The following EPHA3 variants were observed in gnomAD, a reference collection of about 807,000 sequenced individuals.
The protein encoded by EPHA3 is ephrin type-A receptor 3.
A neutral mutation model predicts 107.1 loss-of-function variants in EPHA3; 42 were observed. That is an observed-to-expected ratio of 0.39 (90% CI 0.31 to 0.51). EPHA3 has a LOEUF of 0.51. Ranked by LOEUF, EPHA3 falls within the 20% of genes least tolerant of loss-of-function variation. The pLI, the probability that EPHA3 is intolerant of heterozygous loss-of-function variation, is 0.78. For synonymous variants in EPHA3, 461 were observed against 424.8 expected (o/e 1.09, Z -1.05); for missense variants, 1,183 against 1,211.2 (o/e 0.98, Z 0.35).
intron 2 of EPHA3, among the ~76,000 whole-genome samples, chr3:89,179,515 C>A: frequency 6.6e-6 from 1 of 151,952 alleles, no homozygotes; most frequent in East Asian, 1.9e-4. Context: ...GGAATACAAG[C>A]ATAAAGTCTG....
chr3:89,147,508 T>A (rs1034657648), intron 2 of EPHA3, among the ~76,000 whole-genome samples: 1 of 151,904 alleles, frequency 6.6e-6, no homozygotes, highest in African/African-American at 2.4e-5. Context: ...CACCTCACAC[T>A]GCAAAAGTTA....
At chr3:89,228,849 A>G (rs1034845713) in intron 3 of EPHA3, among the ~76,000 whole-genome samples, 2 of 151,898 alleles carry the variant, frequency 1.3e-5, no homozygotes, top group Non-Finnish European at 2.9e-5. Context: ...TTTCAGGCTG[A>G]AGTACATATA....
At chr3:89,219,710 G>T (rs11715740) in intron 3 of EPHA3, among the ~76,000 whole-genome samples, 20,921 of 24,486 alleles carry the variant, frequency 0.85, 8,945 homozygotes, top group Non-Finnish European at 0.89. Flanking sequence ...TTTGTTTTTT[G>T]TTTTTTTTTT....
At chr3:89,397,664 ACCTCCG>A (rs1460374541) in intron 6 of EPHA3, among the ~76,000 whole-genome samples, 3 of 132,688 alleles carry the variant, frequency 2.3e-5, no homozygotes, top group African/African-American at 8.8e-5. Context: ...GCTCACCGCC[ACCTCCG>A]CCTCCCAGGT....
chr3:89,450,121 C>T (rs2107554564), intron 14 of EPHA3, 56 bp from the exon 15 acceptor site: 1 of 1,443,108 alleles, frequency 6.9e-7, no homozygotes, highest in Non-Finnish European at 9.3e-7. Flanking sequence ...AAAACGTAAA[C>T]TAAGTGACAC....
chr3:89,345,899 G>A (rs2107429725), intron 5 of EPHA3, among the ~76,000 whole-genome samples: 1 of 144,876 alleles, frequency 6.9e-6, no homozygotes, highest in Admixed American at 7.0e-5. Flanking sequence ...AGTTTACTGA[G>A]AATGATGATT....
At chr3:89,262,074 G>T (rs1289237460) in intron 3 of EPHA3, among the ~76,000 whole-genome samples, 3 of 151,938 alleles carry the variant, frequency 2.0e-5, no homozygotes, top group Non-Finnish European at 4.4e-5. Flanking sequence ...TCACTGGAAA[G>T]AACCCAAATA....
At chr3:89,274,513 C>T (rs1705758164) in intron 3 of EPHA3, among the ~76,000 whole-genome samples, 1 of 151,864 alleles carries the variant, frequency 6.6e-6, no homozygotes, top group South Asian at 2.1e-4. Context: ...TAAATTCTTA[C>T]ATTTTCTAAT....
At position 89,288,799 on chromosome 3, in the gene EPHA3, G is replaced by A. The variant is rs559810705; in HGVS notation, c.815-52117G>A. On this transcript the variant is annotated intron_variant, in intron 3 of 16. Transcript: ENST00000336596. The stretch of plus-strand genomic sequence containing the variant: ...AGGAGGCATTGTGGTTGAGAAAATG[G>A]TCAGGTAATTAAAGTGTAAGCTTAA... Among the ~76,000 whole-genome samples the A allele has an allele frequency of 1.4e-4, 21 of 152,200 alleles. No individual in the cohort carries two copies. In the South Asian group the frequency reaches 3.7e-3, roughly 27 times the overall value.
chr3:89,144,229 C>A (rs1369798714), intron 2 of EPHA3, among the ~76,000 whole-genome samples: 2 of 151,694 alleles, frequency 1.3e-5, no homozygotes, highest in East Asian at 3.9e-4. Context: ...GCTCCACCTA[C>A]TCATTCCTTT....
intron 3 of EPHA3, among the ~76,000 whole-genome samples, chr3:89,262,803 G>T (rs1705446629): frequency 6.6e-6 from 1 of 151,894 alleles, no homozygotes. Flanking sequence ...CACCCACTGC[G>T]TTCCACCCAC....
At position 89,449,347 on chromosome 3, in the gene EPHA3, AC is replaced by A; in HGVS notation, c.2471del (p.Pro824HisfsTer10). ...LWEVMSYGERPYWEMSNQDVI... is the reference protein window; with the variant it reads ...LWEVMSYGERXYWEMSNQDVI... ...GGGAGGTGATGTCTTATGGAGAGAG[AC>A]CATACTGGGAGATGTCCAATCAGGA... On this transcript the variant is annotated frameshift_variant, in exon 14 of 17. Transcript: ENST00000336596. LOFTEE classifies it high-confidence loss of function. The A allele has an allele frequency of 6.3e-7, 1 of 1,597,122 alleles. No individual in the cohort carries two copies. Among genetic ancestry groups the A allele is most frequent in the South Asian group, 1.1e-5 (1 of 88,508 alleles).
intron 3 of EPHA3, among the ~76,000 whole-genome samples, chr3:89,306,419 T>C (rs1706622926): frequency 6.6e-6 from 1 of 152,158 alleles, no homozygotes; most frequent in Non-Finnish European, 1.5e-5. Flanking sequence ...AAGCATTAGA[T>C]GATGCTATGA....
intron 2 of EPHA3, among the ~76,000 whole-genome samples, chr3:89,167,729 T>C (rs1705108728): frequency 6.6e-6 from 1 of 152,114 alleles, no homozygotes; most frequent in Admixed American, 6.5e-5. Flanking sequence ...AACTTGATAC[T>C]GGAGAAATAT....
chr3:89,118,253 G>T (rs1707300261), intron 1 of EPHA3, among the ~76,000 whole-genome samples: 1 of 151,912 alleles, frequency 6.6e-6, no homozygotes, highest in Non-Finnish European at 1.5e-5. Flanking sequence ...GTAATTATAT[G>T]TATTTCATCT....
At chr3:89,195,563 T>C (rs1197219973) in intron 2 of EPHA3, among the ~76,000 whole-genome samples, 1 of 152,182 alleles carries the variant, frequency 6.6e-6, no homozygotes, top group African/African-American at 2.4e-5. Context: ...ATTTTCAGGT[T>C]TTTAGTTTTC....
chr3:89,165,793 C>T (rs1362875563), intron 2 of EPHA3, among the ~76,000 whole-genome samples: 1 of 152,150 alleles, frequency 6.6e-6, no homozygotes, highest in Non-Finnish European at 1.5e-5. Context: ...TGATAAAGGC[C>T]CCTGCCGTTC....
In EPHA3 at chr3:89,359,834, C is replaced by CAT. The variant is rs1173651650; in HGVS notation, c.1306+17755_1306+17756dup. Among the ~76,000 whole-genome samples, 33 of 87,204 alleles carry CAT rather than the reference C, an allele frequency of 3.8e-4. No homozygotes were observed. The East Asian group carries it at 5.1e-3, about 14-fold the overall frequency. The allele number at this position is 87,204 out of a possible 152,430, so 57.2% of individuals were successfully genotyped here. On this transcript the variant is annotated intron_variant, in intron 5 of 16. Transcript: ENST00000336596. ...ATACATATATATACATATATATATACATATATATATATGCATATCTTTGGA... is the reference window on the plus strand; with the variant it reads ...ATACATATATATACATATATATATACATATATATATATATGCATATCTTTGGA...
At chr3:89,414,578 C>G (rs1328165211) in intron 10 of EPHA3, among the ~76,000 whole-genome samples, 1 of 151,608 alleles carries the variant, frequency 6.6e-6, no homozygotes, top group South Asian at 2.1e-4. Flanking sequence ...TTTTCTCCAG[C>G]ACGGAGCCTG....
Sources: gnomAD v4.1 joint callset for allele counts (sites outside exome capture counted in the v4.1 genomes callset) on GRCh38, gnomAD v4.1.1 for gene constraint, MANE v1.5 for transcripts, NCBI Gene and HGNC (gene_info 2026-07-23, HGNC 2026-07-21) for gene names.